The following AKAP7 variants were observed in gnomAD, a reference collection of about 807,000 sequenced individuals.
AKAP7 encodes A-kinase anchoring protein 7.
AKAP7 carries 39 observed loss-of-function variants against 39.5 expected under a neutral mutation model. The ratio of observed to expected loss-of-function variants is 0.99; its 90% CI spans 0.76 to 1.29. The LOEUF (loss-of-function observed/expected upper bound fraction) is 1.29. AKAP7 is among the 50% of genes most tolerant of loss of function. AKAP7 has a pLI of 0.00. For synonymous variants in AKAP7, 140 were observed against 139.1 expected (o/e 1.01, Z -0.05); for missense variants, 414 against 407.7 (o/e 1.02, Z -0.13).
At chr6:131,196,017 C>T (rs1002242787) in intron 5 of AKAP7, among the ~76,000 whole-genome samples, 18 of 152,156 alleles carry the variant, frequency 1.2e-4, no homozygotes, top group South Asian at 4.1e-4. Flanking sequence ...CTGATATTAT[C>T]CCTTTGAATA....
chr6:131,216,543 A>T lies in AKAP7; in HGVS notation c.703-3118A>T, dbSNP rs1426260578. Among the ~76,000 whole-genome samples the T allele has an allele frequency of 2.0e-5, 3 of 152,348 alleles. No homozygotes were observed. The East Asian group carries it at 5.8e-4, about 29-fold the overall frequency. ...TTCCCGGTACATTGTATCAAAGGTT[A>T]TCAAGTGTATTTGAACATCGCTGAT... On this transcript the variant is annotated intron_variant, in intron 6 of 7. Transcript: ENST00000431975.
At chr6:131,213,132 A>T (rs1808827670) in intron 6 of AKAP7, among the ~76,000 whole-genome samples, 2 of 152,224 alleles carry the variant, frequency 1.3e-5, no homozygotes, top group Admixed American at 6.5e-5. Flanking sequence ...TTCTACCATG[A>T]TATAAATATG....
In AKAP7 at chr6:131,199,529, T is replaced by C. The variant is rs925473052; in HGVS notation, c.658T>C (p.Leu220=). ...AGAGAGCAGAAGTTTTAAACCTCATTTGACCTTCATGAAGTTGTCAAAATC... is the reference window on the plus strand; with the variant it reads ...AGAGAGCAGAAGTTTTAAACCTCATCTGACCTTCATGAAGTTGTCAAAATC... The part of the protein sequence containing the change: ...VGESRSFKPH[L]TFMKLSKSPW... The change falls in exon 6 of 8, where the codon TTG becomes CTG. Residue 220 remains leucine (L), a synonymous_variant. Coordinates refer to ENST00000431975, the MANE Select transcript of AKAP7 (RefSeq NM_016377.4). 1 of 1,612,094 alleles carries C rather than the reference T, an allele frequency of 6.2e-7. No individual in the cohort carries two copies.
At chr6:131,136,797 C>T (rs1481543490) in intron 1 of AKAP7, 11 of 947,772 alleles carry the variant, frequency 1.2e-5, no homozygotes, top group Middle Eastern at 5.3e-4. Flanking sequence ...GCCTGGAGGT[C>T]AAGTAACTTG....
intron 7 of AKAP7, among the ~76,000 whole-genome samples, chr6:131,262,760 A>G (rs970874975): frequency 2.0e-5 from 3 of 152,204 alleles, no homozygotes; most frequent in African/African-American, 7.2e-5. Flanking sequence ...ATTCTTTAAA[A>G]ATAATTTCTT....
At chr6:131,159,786 C>A (rs1802778758) in intron 2 of AKAP7, among the ~76,000 whole-genome samples, 1 of 152,178 alleles carries the variant, frequency 6.6e-6, no homozygotes, top group South Asian at 2.1e-4. Flanking sequence ...GGTTAACCAC[C>A]CTGCTTTGAA....
upstream of AKAP7, among the ~76,000 whole-genome samples, chr6:131,130,816 T>C (rs1340622319): frequency 6.6e-6 from 1 of 152,152 alleles, no homozygotes; most frequent in Non-Finnish European, 1.5e-5. Context: ...AACCCAAAAG[T>C]ATTTTGGAGG....
At chr6:131,209,958 C>T (rs1443827305) in intron 6 of AKAP7, among the ~76,000 whole-genome samples, 1 of 152,308 alleles carries the variant, frequency 6.6e-6, no homozygotes, top group East Asian at 1.9e-4. Context: ...TAATTACTGA[C>T]CCACTCAAAT....
At chr6:131,184,715 C>T (rs1268500738) in intron 5 of AKAP7, 2 of 837,710 alleles carry the variant, frequency 2.4e-6, no homozygotes, top group South Asian at 1.3e-5. Flanking sequence ...CCATCAGGAC[C>T]CTTTTTGGAT....
chr6:131,163,824 A>T (rs1246974988), intron 3 of AKAP7, among the ~76,000 whole-genome samples: 1 of 151,966 alleles, frequency 6.6e-6, no homozygotes, highest in Non-Finnish European at 1.5e-5. Context: ...TTCTTAGGTG[A>T]GCTCAGATAT....
At chr6:131,240,033 T>G (rs1035248297) in intron 7 of AKAP7, among the ~76,000 whole-genome samples, 3 of 152,214 alleles carry the variant, frequency 2.0e-5, no homozygotes, top group Non-Finnish European at 4.4e-5. Context: ...CCCATCTTTG[T>G]GGTTTTATCT....
chr6:131,132,699 T>A (rs1041378939), upstream of AKAP7, among the ~76,000 whole-genome samples: 9 of 152,240 alleles, frequency 5.9e-5, no homozygotes, highest in Non-Finnish European at 7.3e-5. Flanking sequence ...ATTTTACTTG[T>A]ACCTCTATCT....
rs1319948892 is a variant in AKAP7 at position 131,219,749 on chromosome 6, C to T, written c.791C>T (p.Ser264Phe). 16 of 1,596,320 alleles carry T rather than the reference C, an allele frequency of 1.0e-5. No individual in the cohort carries two copies. The highest frequency in any genetic ancestry group is 3.4e-6 in the Non-Finnish European group (4 of 1,172,050). The change falls in exon 7 of 8, where the codon TCC (serine) becomes TTC (phenylalanine). Residue 264 changes from serine to phenylalanine, a missense_variant. Transcript: ENST00000431975. ...ATATTATATCGCATAGATCTTTGCT[C>T]CATGCTGAAGAAAAAACAAAGTAAT... ...EEILYRIDLC[S>F]MLKKKQSNGY...
intron 7 of AKAP7, among the ~76,000 whole-genome samples, chr6:131,265,465 A>G (rs1411737521): frequency 2.6e-5 from 4 of 152,134 alleles, no homozygotes; most frequent in Admixed American, 1.3e-4. Context: ...TGTGGTGTAG[A>G]ACTACTGTTT....
chr6:131,133,240 C>T (rs565105436), upstream of AKAP7, among the ~76,000 whole-genome samples: 5 of 152,188 alleles, frequency 3.3e-5, no homozygotes, highest in East Asian at 9.6e-4. Context: ...AGTTTTTCTT[C>T]CTCATTTTTT....
intron 6 of AKAP7, among the ~76,000 whole-genome samples, chr6:131,213,801 G>A (rs572790550): frequency 1.2e-4 from 18 of 152,300 alleles, no homozygotes; most frequent in African/African-American, 4.3e-4. Context: ...AATTGAGGTT[G>A]GCTAAGTAGA....
rs770916796 is a variant in AKAP7, at chr6:131,164,415, G to C, written c.292-666G>C. 2.3e-4 allele frequency: 105 copies of C among 455,788 alleles called. No homozygotes were observed. In the Middle Eastern group the frequency reaches 2.4e-3, roughly 11 times the overall value. The allele number at this position is 455,788 out of a possible 1,614,324, so 28.2% of individuals were successfully genotyped here. A position where few individuals can be genotyped will look rare whatever the true frequency, so the allele number is the denominator to read the frequency against. On this transcript the variant is annotated intron_variant, in intron 3 of 7. Transcript: ENST00000431975. Reference sequence around the variant, plus strand: ...TGTTTCAGAGGAGCAGGTGCTGAGAGAGGAAGGGAGATGGTGGACCAGGTC... The same window carrying C: ...TGTTTCAGAGGAGCAGGTGCTGAGACAGGAAGGGAGATGGTGGACCAGGTC...
chr6:131,202,996 C>T (rs1256341517), intron 6 of AKAP7, among the ~76,000 whole-genome samples: 2 of 151,976 alleles, frequency 1.3e-5, no homozygotes, highest in African/African-American at 4.8e-5. Context: ...AGAGATGGAC[C>T]TAGGACCTAA....
At chr6:131,240,122 A>G (rs1338520845) in intron 7 of AKAP7, among the ~76,000 whole-genome samples, 1 of 152,168 alleles carries the variant, frequency 6.6e-6, no homozygotes, top group Non-Finnish European at 1.5e-5. Context: ...TTTTCCATCT[A>G]ACAGTCAGGA....
Sources: allele counts gnomAD v4.1 joint callset (sites outside exome capture counted in the v4.1 genomes callset), GRCh38; gene constraint gnomAD v4.1.1; transcripts MANE v1.5; gene names NCBI Gene and HGNC (gene_info 2026-07-23, HGNC 2026-07-21).